Variants in MDM1 observed in about 807,000 individuals in gnomAD.
MDM1 encodes the protein Mdm1 nuclear protein.
Under a neutral mutation model 89.1 loss-of-function variants are expected in MDM1, and 61 were observed. The observed-to-expected ratio is 0.68, with a 90% CI of 0.56 to 0.85. The LOEUF (loss-of-function observed/expected upper bound fraction) is 0.85, where lower values mean the gene tolerates loss of function less well. Among genes scored for constraint, MDM1 ranks in the 40% least tolerant of loss-of-function variants. The pLI is 0.00. For synonymous variants in MDM1, 290 were observed against 294.1 expected, an observed-to-expected ratio of 0.99 and a Z score of 0.14; for missense variants, 820 against 846.5, an observed-to-expected ratio of 0.97 and a Z score of 0.39.
chr12:68,326,619 T>A lies in MDM1; in HGVS notation c.498+38A>T, dbSNP rs375393136. 3.7e-6 allele frequency: 6 copies of A among 1,613,968 alleles called. No individual in the cohort carries two copies. In the African/African-American group the frequency reaches 6.7e-5, roughly 18 times the overall value. On this transcript the variant is annotated intron_variant, in intron 3 of 14. Coordinates refer to ENST00000682720, the MANE Select transcript of MDM1 (RefSeq NM_001354969.2). ...AATGACAATGAAACCAATGAAGAATTCTATGCTTTTGAAAAGAAATGCAGT... is the reference window on the plus strand; with the variant it reads ...AATGACAATGAAACCAATGAAGAATACTATGCTTTTGAAAAGAAATGCAGT...
At chr12:68,303,423 T>C (rs1565767090) in intron 12 of MDM1, among the ~76,000 whole-genome samples, 1 of 152,114 alleles carries the variant, frequency 6.6e-6, no homozygotes, top group African/African-American at 2.4e-5. Flanking sequence ...ACAATCTTTC[T>C]GGGGGGCCGG....
intron 13 of MDM1, among the ~76,000 whole-genome samples, chr12:68,300,514 A>G (rs912407060): frequency 6.6e-6 from 1 of 152,206 alleles, no homozygotes; most frequent in South Asian, 2.1e-4. Context: ...CAGGAGTCTT[A>G]TATCAGGCAA....
At position 68,331,223 on chromosome 12, in the gene MDM1, T is replaced by C; in HGVS notation, c.19-2A>G. 1 of 1,504,008 alleles carries C rather than the reference T, an allele frequency of 6.6e-7. No individual in the cohort carries two copies. The highest frequency in any genetic ancestry group is 9.3e-7 in the Non-Finnish European group (1 of 1,079,578). The allele number at this position is 1,504,008 out of a possible 1,614,324, so 93.2% of individuals were successfully genotyped here. On this transcript the variant is annotated splice_acceptor_variant, in intron 1 of 14. Transcript: ENST00000682720. LOFTEE classifies it high-confidence loss of function. ...GTTCCTCTGGTATTCACTCAGCCCCTGTAATGCAAAGTACACTTTTGAGTA... is the reference window on the plus strand; with the variant it reads ...GTTCCTCTGGTATTCACTCAGCCCCCGTAATGCAAAGTACACTTTTGAGTA...
chr12:68,316,044 A>C, intron 9 of MDM1, 34 bp downstream of exon 9: 1 of 1,569,462 alleles, frequency 6.4e-7, no homozygotes, highest in African/African-American at 1.4e-5. Flanking sequence ...AAGCTTCAAC[A>C]AACTTTTTTT....
At chr12:68,321,256 GTC>G (rs1875183267) in intron 7 of MDM1, 89 bp downstream of exon 7, 1 of 838,090 alleles carries the variant, frequency 1.2e-6, no homozygotes, top group Admixed American at 2.5e-5. Flanking sequence ...TTAAATTGTG[GTC>G]TCTATTACCA....
chr12:68,316,435 G>T, intron 8 of MDM1, 146 bp downstream of exon 8: 1 of 928,178 alleles, frequency 1.1e-6, no homozygotes, highest in Non-Finnish European at 1.6e-6. Flanking sequence ...TCAAGCTAAA[G>T]CATGATGCAG....
At chr12:68,328,667 A>G (rs1011336226) in intron 2 of MDM1, among the ~76,000 whole-genome samples, 5 of 149,080 alleles carry the variant, frequency 3.4e-5, no homozygotes, top group Non-Finnish European at 7.5e-5. Flanking sequence ...CACCAATTAG[A>G]CTCCTCTCTG....
intron 13 of MDM1, among the ~76,000 whole-genome samples, chr12:68,298,431 C>A (rs1336218666): frequency 6.6e-6 from 1 of 152,180 alleles, no homozygotes; most frequent in East Asian, 1.9e-4. Flanking sequence ...AACAGTCAGG[C>A]AAGCTTAGTG....
At chr12:68,297,061 G>T in intron 13 of MDM1, 79 bp from the exon 14 acceptor site, 2 of 936,720 alleles carry the variant, frequency 2.1e-6, no homozygotes, top group Non-Finnish European at 3.0e-6. Flanking sequence ...TAAACTGTTA[G>T]TAAAAGTAGG....
intron 12 of MDM1, among the ~76,000 whole-genome samples, chr12:68,306,337 T>G (rs1038354591): frequency 6.6e-6 from 1 of 152,066 alleles, no homozygotes; most frequent in Non-Finnish European, 1.5e-5. Flanking sequence ...TAGAAAAAAC[T>G]CTTCTGGACA....
chr12:68,326,537 C>T lies in MDM1; in HGVS notation c.498+120G>A, dbSNP rs763641638. On this transcript the variant is annotated intron_variant, in intron 3 of 14. Transcript: ENST00000682720. ...GCCTGTTATCAACTATTCTTATAGA[C>T]ATTAGACAAGAAAACAACAATGGAA... 19 of 1,602,982 alleles carry T rather than the reference C, an allele frequency of 1.2e-5. No individual in the cohort carries two copies. In the East Asian group the frequency reaches 3.8e-4, roughly 32 times the overall value.
chr12:68,316,485 G>A, intron 8 of MDM1, 96 bp downstream of exon 8: 1 of 1,052,426 alleles, frequency 9.5e-7, no homozygotes, highest in East Asian at 2.6e-5. Flanking sequence ...GAAATTCATA[G>A]CAGCTAAGAA....
At chr12:68,328,792 A>G (rs1213365575) in intron 2 of MDM1, among the ~76,000 whole-genome samples, 1 of 152,092 alleles carries the variant, frequency 6.6e-6, no homozygotes, top group Non-Finnish European at 1.5e-5. Context: ...CACTACTCTA[A>G]AAGAAGGGAC....
At chr12:68,326,004 A>G in intron 3 of MDM1, 1 of 994,122 alleles carries the variant, frequency 1.0e-6, no homozygotes, top group Non-Finnish European at 1.2e-6. Flanking sequence ...CAAGCTACAG[A>G]TTCTTCTCCA....
intron 12 of MDM1, among the ~76,000 whole-genome samples, chr12:68,304,623 T>G (rs1415038031): frequency 6.6e-6 from 1 of 152,212 alleles, no homozygotes; most frequent in Admixed American, 6.5e-5. Context: ...GAACAAAATT[T>G]GTGATCTCTG....
chr12:68,311,777 A>T (rs1873727803), intron 12 of MDM1, among the ~76,000 whole-genome samples: 1 of 152,210 alleles, frequency 6.6e-6, no homozygotes, highest in African/African-American at 2.4e-5. Flanking sequence ...TGGAAAAGAA[A>T]CTTCAGAGAA....
Position 68,323,133 on chromosome 12 carries a change from TG to T in MDM1, c.740del (p.Pro247GlnfsTer3), listed in dbSNP as rs1430122239. The stretch of plus-strand genomic sequence containing the variant: ...TTTCTCTCAAATCATTTCTTAATTT[TG>T]GTTCTTTCACTGGAGATAAACCCTT... ...NFKGLSPVKE[P>X]KLRNDLRENR... On this transcript the variant is annotated frameshift_variant, in exon 5 of 15. Transcript: ENST00000682720. LOFTEE classifies it high-confidence loss of function. 1 of 1,610,740 alleles carries T rather than the reference TG, an allele frequency of 6.2e-7. No individual in the cohort carries two copies. The highest frequency in any genetic ancestry group is 8.5e-7 in the Non-Finnish European group (1 of 1,179,090).
rs779957396 is a variant in MDM1 at position 68,331,138 on chromosome 12, G to A, written c.102C>T (p.Tyr34=). 53 of 1,608,942 alleles carry A rather than the reference G, an allele frequency of 3.3e-5. No individual in the cohort carries two copies. Among genetic ancestry groups the A allele is most frequent in the Non-Finnish European group, 4.3e-5 (50 of 1,175,362 alleles). The part of the protein sequence containing the change: ...ESCNSSVGRK[Y]PWAGLRSDQL... ...GATCTGATCTAAGTCCAGCCCATGG[G>A]TACTTTCGCCCCACGGAGGAATTAC... Residue 34 remains tyrosine (Y), a synonymous_variant, in exon 2 of 15, where the codon TAC becomes TAT. Coordinates refer to ENST00000682720, the MANE Select transcript of MDM1 (RefSeq NM_001354969.2).
chr12:68,315,185 G>C lies in MDM1; in HGVS notation c.1292C>G (p.Pro431Arg), dbSNP rs759732289. 1.9e-6 allele frequency: 3 copies of C among 1,614,140 alleles called. No individual in the cohort carries two copies. Among genetic ancestry groups the C allele is most frequent in the Non-Finnish European group, 2.5e-6 (3 of 1,180,044 alleles). Residue 431 changes from proline (P) to arginine (R), a missense_variant, in exon 10 of 15, where the codon CCC becomes CGC. By Grantham distance (103) the Pro-to-Arg change is moderately radical. Coordinates refer to ENST00000682720, the MANE Select transcript of MDM1 (RefSeq NM_001354969.2). ...EEKGNIVEEQ[P>R]QKNTTEKLGV... ...CAATTTCTCCGTGGTATTTTTCTGG[G>C]GCTGTTCTTCCACGATATTTCCTTT...
Sources: gnomAD v4.1 joint callset for allele counts (sites outside exome capture counted in the v4.1 genomes callset) on GRCh38, gnomAD v4.1.1 for gene constraint, MANE v1.5 for transcripts, NCBI Gene and HGNC (gene_info 2026-07-23, HGNC 2026-07-21) for gene names.